The following CHM variants were observed in gnomAD, a reference collection of about 807,000 sequenced individuals.
CHM encodes the protein rab proteins geranylgeranyltransferase component A 1.
In CHM, 10 loss-of-function variants were observed where a neutral mutation model predicts 49.0. The ratio of observed to expected loss-of-function variants is 0.20; its 90% confidence interval spans 0.13 to 0.35. CHM has a LOEUF of 0.35. CHM is among the 10% of genes least tolerant of loss of function. The pLI is 1.00. For missense variants in CHM, 455 were observed against 478.4 expected (o/e 0.95, Z 0.46); for synonymous variants, 184 against 167.5 (o/e 1.10, Z -0.76).
At chrX:85,929,365 T>C (rs942401572) in intron 8 of CHM, among the ~76,000 whole-genome samples, 4 of 112,325 alleles carry the variant, frequency 3.6e-5, no homozygotes, top group African/African-American at 1.3e-4. Context: ...TCATTGACCA[T>C]TATGCCCTCT....
At chrX:85,939,626 T>C (rs1018368) in intron 8 of CHM, among the ~76,000 whole-genome samples, 30,192 of 111,724 alleles carry the variant, frequency 0.27, 3,192 homozygotes, top group African/African-American at 0.38. Context: ...TATGAAGGTG[T>C]GGAATGGTGC....
rs758320189 is a variant in CHM at position 85,970,059 on chromosome X, T to C, written c.315-6007A>G. Reference sequence around the variant, plus strand: ...GTGAGTATAGCTAACAATAATGCATTGCATATTTCAAATAGCTAAAAGAGA... The same window carrying C: ...GTGAGTATAGCTAACAATAATGCATCGCATATTTCAAATAGCTAAAAGAGA... On this transcript the variant is annotated intron_variant, in intron 4 of 14. Transcript: ENST00000357749. 45 of 115,503 alleles carry C rather than the reference T, an allele frequency of 3.9e-4. 1 individual carries two copies. Among genetic ancestry groups the C allele is most frequent in the Admixed American group, 1.2e-3 (13 of 10,488 alleles). 9.5% of individuals were successfully genotyped at this position (115,503 alleles called of 1,213,427 possible).
At position 85,978,820 on chromosome X, in the gene CHM, A is replaced by T; in HGVS notation, c.261T>A (p.Ala87=). 8.3e-7 allele frequency: 1 copy of T among 1,206,150 alleles called. No homozygotes were observed. Among genetic ancestry groups the T allele is most frequent in the Admixed American group, 2.2e-5 (1 of 45,985 alleles). The change falls in exon 4 of 15, where the codon GCT becomes GCA. Residue 87 remains alanine (A), a synonymous_variant. Coordinates refer to ENST00000357749, the MANE Select transcript of CHM (RefSeq NM_000390.4). ...DQILENEEAI[A]LSRKDKTIQH... is the part of the protein sequence containing the mutation. ...GAATAGTTTTGTCCTTCCTGCTAAG[A>T]GCAATGGCTTCTTCATTTTCAAGGA... is the stretch of plus-strand genomic sequence containing the variant.
chrX:85,929,104 G>A (rs759847383), intron 8 of CHM, among the ~76,000 whole-genome samples: 18 of 111,392 alleles, frequency 1.6e-4, no homozygotes, highest in Non-Finnish European at 2.8e-4. Flanking sequence ...TAAGAAATTA[G>A]GGAAGCACAG....
intron 2 of CHM, among the ~76,000 whole-genome samples, chrX:86,014,467 C>T (rs1222018928): frequency 1.8e-5 from 2 of 112,278 alleles, no homozygotes; most frequent in Non-Finnish European, 3.8e-5. Context: ...GCAGACTTCT[C>T]AAAAGCAATA....
At chrX:85,899,088 G>C (rs2148151232) in intron 11 of CHM, among the ~76,000 whole-genome samples, 1 of 112,100 alleles carries the variant, frequency 8.9e-6, no homozygotes, top group Admixed American at 9.4e-5. Context: ...AACTTTAGGA[G>C]CCTACTTTTA....
intron 2 of CHM, among the ~76,000 whole-genome samples, chrX:85,998,195 T>G (rs1603274410): frequency 8.9e-6 from 1 of 111,818 alleles, no homozygotes; most frequent in Non-Finnish European, 1.9e-5. Flanking sequence ...CAGCATACTA[T>G]TACTAAATAA....
chrX:86,028,057 G>A (rs1013506588), intron 1 of CHM, among the ~76,000 whole-genome samples: 4 of 111,784 alleles, frequency 3.6e-5, no homozygotes, highest in Non-Finnish European at 5.6e-5. Context: ...CACTGTGCCC[G>A]GCCAGATATA....
At chrX:85,959,563 C>A (rs1430602478) in intron 5 of CHM, among the ~76,000 whole-genome samples, 2 of 111,111 alleles carry the variant, frequency 1.8e-5, no homozygotes, top group Admixed American at 1.9e-4. Flanking sequence ...TTATAAGGTA[C>A]TTCTGTAATT....
Position 85,862,330 on chromosome X carries a change from CT to C in CHM, c.*2299del, listed in dbSNP as rs1322869741. 3 of 112,412 alleles carry C rather than the reference CT, an allele frequency of 2.7e-5. No homozygotes were observed. The highest frequency in any genetic ancestry group is 9.7e-5 in the African/African-American group (3 of 30,894). The allele number at this position is 112,412 out of a possible 1,213,427, so 9.3% of individuals were successfully genotyped here. A position where few individuals can be genotyped will look rare whatever the true frequency, so the allele number is the denominator to read the frequency against. On this transcript the variant is annotated 3_prime_UTR_variant, in exon 15 of 15. Coordinates refer to ENST00000357749, the MANE Select transcript of CHM (RefSeq NM_000390.4). ...ATGCTGCATTCAAGCGGCTTTAACT[CT>C]AAGACCGTAACAGTACAATATCTTT... is the stretch of plus-strand genomic sequence containing the variant.
intron 12 of CHM, among the ~76,000 whole-genome samples, chrX:85,886,161 T>C (rs1015726341): frequency 2.7e-5 from 3 of 111,015 alleles, no homozygotes; most frequent in Admixed American, 9.6e-5. Context: ...TTGAAACAAA[T>C]TGTTCTGAAT....
At chrX:85,952,622 G>A (rs1217015155) in intron 8 of CHM, among the ~76,000 whole-genome samples, 2 of 112,414 alleles carry the variant, frequency 1.8e-5, no homozygotes, top group Admixed American at 1.9e-4. Context: ...GGCTTCAGGT[G>A]AGACCCAGTA....
intron 3 of CHM, among the ~76,000 whole-genome samples, chrX:85,979,127 C>A (rs1421554580): frequency 8.9e-6 from 1 of 112,091 alleles, no homozygotes; most frequent in Admixed American, 9.4e-5. Context: ...TTACAGATTT[C>A]TGTCAGGGTA....
At chrX:85,886,195 T>C (rs2148133980) in intron 12 of CHM, among the ~76,000 whole-genome samples, 1 of 111,498 alleles carries the variant, frequency 9.0e-6, no homozygotes, top group African/African-American at 3.2e-5. Flanking sequence ...CAATTATGAG[T>C]AATGTCAAAT....
chrX:85,926,921 A>G (rs1251919713), intron 8 of CHM, among the ~76,000 whole-genome samples: 3 of 112,420 alleles, frequency 2.7e-5, no homozygotes, highest in Non-Finnish European at 5.6e-5. Context: ...TACGTTTTAC[A>G]TAACAGTTAT....
intron 2 of CHM, among the ~76,000 whole-genome samples, chrX:86,023,562 C>A (rs1464528783): frequency 9.0e-6 from 1 of 111,475 alleles, no homozygotes; most frequent in African/African-American, 3.3e-5. Context: ...GTGTCTATTT[C>A]TTTACTTCCC....
intron 8 of CHM, among the ~76,000 whole-genome samples, chrX:85,954,717 C>T (rs963382562): frequency 9.1e-6 from 1 of 110,089 alleles, no homozygotes; most frequent in African/African-American, 3.3e-5. Flanking sequence ...GATGCTGAAA[C>T]TCCATCACTA....
chrX:85,926,250 GCATGACTAAACATTATTCCCAACCC>G (rs1286697161), intron 8 of CHM, among the ~76,000 whole-genome samples: 1 of 111,556 alleles, frequency 9.0e-6, no homozygotes, highest in Non-Finnish European at 1.9e-5. Context: ...AGATCTTTAT[GCATGACTAAACATTATTCCCAACCC>G]CATGGTGGGA....
intron 13 of CHM, among the ~76,000 whole-genome samples, chrX:85,874,096 T>C (rs976355839): frequency 6.3e-5 from 7 of 111,496 alleles, no homozygotes; most frequent in African/African-American, 2.3e-4. Context: ...ACACGACAGA[T>C]GCTCAGTAAA....
Sources: allele counts gnomAD v4.1 joint callset (sites outside exome capture counted in the v4.1 genomes callset), GRCh38; gene constraint gnomAD v4.1.1; transcripts MANE v1.5; gene names NCBI Gene and HGNC (gene_info 2026-07-23, HGNC 2026-07-21).